The following TRPC6 variants were observed in gnomAD, a reference collection of about 807,000 sequenced individuals.
TRPC6 encodes short transient receptor potential channel 6.
Under a neutral mutation model 90.7 loss-of-function variants are expected in TRPC6, and 55 were observed. That is an observed-to-expected ratio of 0.61 (90% CI 0.49 to 0.76). The LOEUF (loss-of-function observed/expected upper bound fraction) is 0.76, where lower values mean the gene tolerates loss of function less well. TRPC6 is among the 30% of genes least tolerant of loss of function. The probability of loss-of-function intolerance (pLI) is 0.00; values close to 1 mark genes in which losing one functional copy is unlikely to be tolerated. For missense variants in TRPC6, 989 were observed against 1,122.7 expected, an observed-to-expected ratio of 0.88 and a Z score of 1.70; for synonymous variants, 393 against 393.0, an observed-to-expected ratio of 1.00 and a Z score of 0.00.
At chr11:101,473,405 G>A in intron 7 of TRPC6, 104 bp downstream of exon 7, 1 of 1,343,334 alleles carries the variant, frequency 7.4e-7, no homozygotes, top group Non-Finnish European at 1.0e-6. Flanking sequence ...AACTAGAGAT[G>A]AAGTCTTTAC....
chr11:101,482,631 T>C (rs1052334549), intron 5 of TRPC6, among the ~76,000 whole-genome samples: 3 of 152,192 alleles, frequency 2.0e-5, no homozygotes, highest in Non-Finnish European at 4.4e-5. Context: ...GTGTTTAAGC[T>C]TGAAATCATA....
chr11:101,499,587 T>TG (rs71056613), intron 2 of TRPC6, among the ~76,000 whole-genome samples: 15,458 of 72,674 alleles, frequency 0.21, 2,648 homozygotes, highest in African/African-American at 0.3. Flanking sequence ...TATATATACG[T>TG]ATATATATAC....
chr11:101,540,963 G>A (rs1861155221), intron 1 of TRPC6, among the ~76,000 whole-genome samples: 1 of 152,188 alleles, frequency 6.6e-6, no homozygotes. Context: ...ACTTAAAAGA[G>A]TATTTTGAAA....
In TRPC6 at chr11:101,491,671, T is replaced by C. The variant is rs767086724; in HGVS notation, c.1013A>G (p.Asn338Ser). ...CAGAATGGCCTCGACTTCTTCAGTG[T>C]TTCTGCACAGATCAAGGAGTCCAAC... is the stretch of plus-strand genomic sequence containing the variant. ...FVVGLLDLCR[N>S]TEEVEAILNG... Residue 338 changes from asparagine (N) to serine (S), a missense_variant, in exon 3 of 13, where the codon AAC becomes AGC. Around this residue, in one of 4 missense-constraint regions of TRPC6, gnomAD observed 486 missense variants for 591.9 expected, o/e 0.82. Transcript: ENST00000344327. The C allele has an allele frequency of 1.2e-5, 20 of 1,613,974 alleles. No homozygotes were observed. The African/African-American group carries it at 2.5e-4, about 20-fold the overall frequency.
chr11:101,527,613 C>A (rs964726433), intron 1 of TRPC6, among the ~76,000 whole-genome samples: 1 of 151,958 alleles, frequency 6.6e-6, no homozygotes, highest in Non-Finnish European at 1.5e-5. Flanking sequence ...ATTTTGAAGG[C>A]TTTATAAAAA....
At chr11:101,539,055 G>A (rs4457714) in intron 1 of TRPC6, among the ~76,000 whole-genome samples, 5 of 151,992 alleles carry the variant, frequency 3.3e-5, no homozygotes, top group Non-Finnish European at 5.9e-5. Flanking sequence ...AGAAATACAC[G>A]TATGTTGTTT....
At chr11:101,547,395 G>A (rs1861331560) in intron 1 of TRPC6, among the ~76,000 whole-genome samples, 2 of 152,048 alleles carry the variant, frequency 1.3e-5, no homozygotes, top group Admixed American at 1.3e-4. Flanking sequence ...AGCATCTCAA[G>A]TACTCTAAAG....
At chr11:101,466,608 T>C (rs1288768168) in intron 10 of TRPC6, among the ~76,000 whole-genome samples, 2 of 152,144 alleles carry the variant, frequency 1.3e-5, no homozygotes, top group Non-Finnish European at 2.9e-5. Context: ...CTGGCAGCGA[T>C]AATTTCAAGC....
At position 101,491,753 on chromosome 11, in the gene TRPC6, G is replaced by A. The variant is rs199956741; in HGVS notation, c.946-15C>T. The A allele has an allele frequency of 6.1e-5, 97 of 1,577,922 alleles. No homozygotes were observed. Among genetic ancestry groups the A allele is most frequent in the Non-Finnish European group, 7.9e-5 (92 of 1,158,500 alleles). ...TTGTAGTCATTCTAGGAAAAACAAA[G>A]CAAAACAAAAGCAATAATGGAGAAT... On this transcript the variant is annotated splice_polypyrimidine_tract_variant and intron_variant, in intron 2 of 12. Coordinates refer to ENST00000344327, the MANE Select transcript of TRPC6 (RefSeq NM_004621.6).
At chr11:101,542,431 T>C (rs1293849556) in intron 1 of TRPC6, among the ~76,000 whole-genome samples, 1 of 152,206 alleles carries the variant, frequency 6.6e-6, no homozygotes, top group Non-Finnish European at 1.5e-5. Context: ...GTTTTGCAAG[T>C]TTGTCTTGTG....
chr11:101,465,230 C>T (rs192657847), intron 10 of TRPC6, among the ~76,000 whole-genome samples: 63 of 152,260 alleles, frequency 4.1e-4, no homozygotes, highest in African/African-American at 1.5e-3. Context: ...TTTTTTCCTT[C>T]ATTTCAACCT....
chr11:101,498,553 T>C (rs1294975606), intron 2 of TRPC6, among the ~76,000 whole-genome samples: 2 of 152,130 alleles, frequency 1.3e-5, no homozygotes, highest in Non-Finnish European at 2.9e-5. Flanking sequence ...AGAAACCCAG[T>C]AACGTCTCCC....
At chr11:101,499,236 C>A (rs1462297331) in intron 2 of TRPC6, among the ~76,000 whole-genome samples, 1 of 152,014 alleles carries the variant, frequency 6.6e-6, no homozygotes, top group Non-Finnish European at 1.5e-5. Flanking sequence ...ATGTATCATT[C>A]ACTAGAAAAG....
At chr11:101,487,945 A>G (rs1859714912) in intron 4 of TRPC6, among the ~76,000 whole-genome samples, 1 of 152,198 alleles carries the variant, frequency 6.6e-6, no homozygotes, top group African/African-American at 2.4e-5. Flanking sequence ...CAAAAATATG[A>G]CAAAATAATT....
chr11:101,491,217 C>T (rs570126948), intron 3 of TRPC6, among the ~76,000 whole-genome samples: 4 of 152,084 alleles, frequency 2.6e-5, no homozygotes, highest in South Asian at 4.2e-4. Context: ...GAGGCCGAGG[C>T]GGGCGGATCA....
intron 5 of TRPC6, 69 bp from the exon 6 acceptor site, chr11:101,476,603 A>ATGTT (rs1859423291): frequency 7.0e-7 from 1 of 1,419,074 alleles, no homozygotes; most frequent in Admixed American, 1.7e-5. Flanking sequence ...AAAACAAAAT[A>ATGTT]TGTTTGAAAG....
intron 1 of TRPC6, among the ~76,000 whole-genome samples, chr11:101,575,573 T>C (rs933745647): frequency 1.3e-5 from 2 of 152,192 alleles, no homozygotes; most frequent in East Asian, 3.8e-4. Context: ...ACAAAGCACT[T>C]GGAGAAGGGC....
intron 1 of TRPC6, among the ~76,000 whole-genome samples, chr11:101,526,913 T>G (rs1318950052): frequency 6.9e-6 from 1 of 145,060 alleles, no homozygotes; most frequent in Admixed American, 6.9e-5. Context: ...ATAGTCTTAG[T>G]TCCTGGACAA....
chr11:101,532,094 T>C (rs899114210), intron 1 of TRPC6, among the ~76,000 whole-genome samples: 1 of 152,172 alleles, frequency 6.6e-6, no homozygotes, highest in Non-Finnish European at 1.5e-5. Flanking sequence ...GCAACAACAT[T>C]GTACAGTTGA....
Sources: gnomAD v4.1 joint callset for allele counts (sites outside exome capture counted in the v4.1 genomes callset) on GRCh38, gnomAD v4.1.1 for gene constraint, gnomAD v4.1.1 regional missense constraint, MANE v1.5 for transcripts, NCBI Gene and HGNC (gene_info 2026-07-23, HGNC 2026-07-21) for gene names.